Variants in CDH13 observed in about 807,000 individuals in gnomAD.
CDH13 encodes cadherin-13.
A neutral mutation model predicts 63.8 loss-of-function variants in CDH13; 24 were observed. The ratio of observed to expected loss-of-function variants is 0.38; its 90% confidence interval spans 0.27 to 0.53. CDH13 has a LOEUF of 0.53. Among genes scored for constraint, CDH13 ranks in the 20% least tolerant of loss-of-function variants. The pLI is 0.85. For synonymous variants in CDH13, 503 were observed against 355.3 expected, an observed-to-expected ratio of 1.42 and a Z score of -4.67; for missense variants, 1,049 against 903.1, an observed-to-expected ratio of 1.16 and a Z score of -2.07.
chr16:83,078,861 C>A (rs2033038076), intron 3 of CDH13, among the ~76,000 whole-genome samples: 1 of 152,156 alleles, frequency 6.6e-6, no homozygotes, highest in Non-Finnish European at 1.5e-5. Context: ...ATGGCGAGAT[C>A]TTGGCTCACT....
intron 6 of CDH13, among the ~76,000 whole-genome samples, chr16:83,483,230 G>A (rs762541147): frequency 3.9e-5 from 6 of 152,132 alleles, no homozygotes; most frequent in African/African-American, 4.8e-5. Flanking sequence ...TCAGAGGCGC[G>A]ATTTCCTCCA....
chr16:82,776,112 A>C (rs185064211), intron 1 of CDH13, among the ~76,000 whole-genome samples: 21 of 152,244 alleles, frequency 1.4e-4, no homozygotes, highest in Non-Finnish European at 2.8e-4. Context: ...TGGGTGGGTG[A>C]GGCATGAGAA....
intron 1 of CDH13, among the ~76,000 whole-genome samples, chr16:82,806,732 T>G (rs1289574724): frequency 6.6e-6 from 1 of 152,144 alleles, no homozygotes; most frequent in Non-Finnish European, 1.5e-5. Flanking sequence ...AGTTCACATG[T>G]TTGTATTTGA....
At chr16:83,158,780 G>C (rs1381293536) in intron 4 of CDH13, among the ~76,000 whole-genome samples, 3 of 152,220 alleles carry the variant, frequency 2.0e-5, no homozygotes, top group African/African-American at 7.2e-5. Context: ...CTGGCTTCTG[G>C]CTCTTGCCCT....
intron 4 of CDH13, among the ~76,000 whole-genome samples, chr16:83,128,237 G>A (rs779376289): frequency 2.0e-5 from 3 of 152,184 alleles, no homozygotes; most frequent in African/African-American, 4.8e-5. Context: ...AGGTGATTCA[G>A]ATATGCAGCC....
chr16:83,282,577 G>C (rs113048848), intron 5 of CDH13, among the ~76,000 whole-genome samples: 2 of 152,184 alleles, frequency 1.3e-5, no homozygotes, highest in Non-Finnish European at 2.9e-5. Flanking sequence ...TAAAACAAGT[G>C]ACAACAGGAC....
intron 1 of CDH13, among the ~76,000 whole-genome samples, chr16:82,735,932 G>A (rs2033649139): frequency 6.6e-6 from 1 of 152,172 alleles, no homozygotes; most frequent in Non-Finnish European, 1.5e-5. Context: ...AGAAAAACCA[G>A]ACGCTATACT....
intron 1 of CDH13, among the ~76,000 whole-genome samples, chr16:82,666,035 T>C (rs762429310): frequency 2.0e-5 from 3 of 152,188 alleles, no homozygotes; most frequent in African/African-American, 4.8e-5. Context: ...GGAATATCTG[T>C]GTATAAATCG....
At chr16:83,572,424 A>T (rs1904725069) in intron 7 of CDH13, among the ~76,000 whole-genome samples, 1 of 152,152 alleles carries the variant, frequency 6.6e-6, no homozygotes, top group South Asian at 2.1e-4. Flanking sequence ...TACAGGCACA[A>T]GCCACAGACC....
chr16:83,761,036 A>T (rs1212955805), intron 11 of CDH13, among the ~76,000 whole-genome samples: 1 of 152,224 alleles, frequency 6.6e-6, no homozygotes, highest in Non-Finnish European at 1.5e-5. Flanking sequence ...ACCATCGTTA[A>T]CTTGCTACAC....
intron 8 of CDH13, among the ~76,000 whole-genome samples, chr16:83,645,674 A>T (rs767165699): frequency 6.6e-6 from 1 of 151,838 alleles, no homozygotes; most frequent in Non-Finnish European, 1.5e-5. Context: ...CAATCACCAG[A>T]GCACTATGCT....
chr16:83,216,525 G>T (rs1193328997), intron 4 of CDH13, among the ~76,000 whole-genome samples: 4 of 135,490 alleles, frequency 3.0e-5, no homozygotes, highest in African/African-American at 5.4e-5. Context: ...TTTAATATAT[G>T]TAATATTTAA....
chr16:82,754,013 C>T (rs989069291), intron 1 of CDH13, among the ~76,000 whole-genome samples: 3 of 152,148 alleles, frequency 2.0e-5, no homozygotes, highest in Non-Finnish European at 2.9e-5. Context: ...TCTAGCATTC[C>T]GTGATTCTTC....
intron 7 of CDH13, among the ~76,000 whole-genome samples, chr16:83,575,299 G>T (rs555696229): frequency 6.6e-6 from 1 of 152,310 alleles, no homozygotes; most frequent in Non-Finnish European, 1.5e-5. Flanking sequence ...TAGGTGGATT[G>T]TGCACTATGT....
At chr16:83,064,685 G>A (rs1597256693) in intron 3 of CDH13, among the ~76,000 whole-genome samples, 1 of 152,014 alleles carries the variant, frequency 6.6e-6, no homozygotes, top group Admixed American at 6.6e-5. Context: ...CTTTTTGATG[G>A]AGAAAATGTA....
chr16:83,026,873 C>T (rs1472324366), intron 2 of CDH13, among the ~76,000 whole-genome samples: 1 of 152,130 alleles, frequency 6.6e-6, no homozygotes, highest in East Asian at 1.9e-4. Context: ...ACAGATAAGG[C>T]ACCACCTCTG....
chr16:83,205,313 G>A (rs1353651850), intron 4 of CDH13, among the ~76,000 whole-genome samples: 1 of 152,166 alleles, frequency 6.6e-6, no homozygotes, highest in African/African-American at 2.4e-5. Flanking sequence ...GGGACAATAA[G>A]GGATGTAAAA....
At chr16:82,657,921 T>G (rs1026249522) in intron 1 of CDH13, among the ~76,000 whole-genome samples, 2 of 152,226 alleles carry the variant, frequency 1.3e-5, no homozygotes, top group Admixed American at 6.5e-5. Flanking sequence ...TTTCTTATCT[T>G]ACTGCATTAG....
chr16:82,984,158 G>A (rs1481073626), intron 2 of CDH13, among the ~76,000 whole-genome samples: 2 of 152,190 alleles, frequency 1.3e-5, no homozygotes, highest in Non-Finnish European at 2.9e-5. Flanking sequence ...TCAAGGGAAG[G>A]GCTTGAAAGG....
Sources: allele counts gnomAD v4.1 joint callset (sites outside exome capture counted in the v4.1 genomes callset), GRCh38; gene constraint gnomAD v4.1.1; transcripts MANE v1.5; gene names NCBI Gene and HGNC (gene_info 2026-07-23, HGNC 2026-07-21).